STARD13: variants seen among roughly 807,000 people sequenced by gnomAD.
STARD13 encodes the protein StAR related lipid transfer domain containing 13, also known as stAR-related lipid transfer protein 13.
STARD13 carries 62 observed loss-of-function variants against 106.4 expected under a neutral mutation model. That is an observed-to-expected ratio of 0.58 (90% CI 0.48 to 0.72). The LOEUF (loss-of-function observed/expected upper bound fraction) is 0.72. STARD13 is among the 30% of genes least tolerant of loss of function. STARD13 has a pLI of 0.00. For missense variants in STARD13, 1,387 were observed against 1,424.0 expected (o/e 0.97, Z 0.42); for synonymous variants, 565 against 553.0 (o/e 1.02, Z -0.31).
Position 33,169,059 on chromosome 13 carries a change from T to TGTGACCAGCATGTGACCTTAA in STARD13, c.170-1438_170-1437insTTAAGGTCACATGCTGGTCAC, listed in dbSNP as rs1456386612. Among the ~76,000 whole-genome samples, 14 of 152,350 alleles carry TGTGACCAGCATGTGACCTTAA rather than the reference T, an allele frequency of 9.2e-5. 1 individual carries two copies. Among genetic ancestry groups the TGTGACCAGCATGTGACCTTAA allele is most frequent in the African/African-American group, 2.6e-4 (11 of 41,576 alleles). ...AAAAGCTTGAGATTTGTCTCTTGTGTGAGGGTTTTCCACTTAAGTGTGACC... is the reference window on the plus strand; with the variant it reads ...AAAAGCTTGAGATTTGTCTCTTGTGTGTGACCAGCATGTGACCTTAAGAGGGTTTTCCACTTAAGTGTGACC... On this transcript the variant is annotated intron_variant, in intron 1 of 13. Coordinates refer to ENST00000336934, the MANE Select transcript of STARD13 (RefSeq NM_178006.4).
chr13:33,255,955 G>A (rs1245480732), intron 1 of STARD13, among the ~76,000 whole-genome samples: 1 of 152,206 alleles, frequency 6.6e-6, no homozygotes, highest in Admixed American at 6.5e-5. Context: ...GCACATGTAT[G>A]CAGGTCAATT....
chr13:33,142,310 CT>C lies in STARD13; in HGVS notation c.386del (p.Lys129ArgfsTer49). ...TTCTTATTAAGGTGTGGGCACCTAC[CT>C]TTTTCCTTTGGAAGTTCACATCAAG... ...MKLDVNFQRK[K>X]GDDSDEEDLC... On this transcript the variant is annotated frameshift_variant and splice_region_variant, in exon 4 of 14. Transcript: ENST00000336934. LOFTEE classifies it high-confidence loss of function. The C allele has an allele frequency of 6.2e-7, 1 of 1,613,704 alleles. No individual in the cohort carries two copies.
chr13:33,646,605 T>A, the STARD13 span, among the ~76,000 whole-genome samples: 1 of 152,120 alleles, frequency 6.6e-6, no homozygotes, highest in Admixed American at 6.5e-5. Context: ...CACATAGAAT[T>A]TTGCTTTGCC....
At chr13:33,635,380 C>A in the STARD13 span, among the ~76,000 whole-genome samples, 1 of 152,200 alleles carries the variant, frequency 6.6e-6, no homozygotes, top group Non-Finnish European at 1.5e-5. Context: ...ACTTAGCAGG[C>A]CGGTTGTGGT....
At chr13:33,239,548 G>A (rs1889363654) in intron 1 of STARD13, among the ~76,000 whole-genome samples, 1 of 151,920 alleles carries the variant, frequency 6.6e-6, no homozygotes, top group Non-Finnish European at 1.5e-5. Flanking sequence ...TTCTTGTTTT[G>A]TTGTTTGTTT....
the STARD13 span, among the ~76,000 whole-genome samples, chr13:33,532,834 G>A: frequency 6.6e-6 from 1 of 152,112 alleles, no homozygotes; most frequent in Non-Finnish European, 1.5e-5. Flanking sequence ...GGTAGCAGTG[G>A]TCTTGTAAGA....
the STARD13 span, among the ~76,000 whole-genome samples, chr13:33,515,405 C>T: frequency 6.6e-6 from 1 of 152,128 alleles, no homozygotes; most frequent in Non-Finnish European, 1.5e-5. Context: ...GCAATTGTCT[C>T]AGCAAAACCT....
chr13:33,265,982 T>C (rs1890878650), intron 1 of STARD13, among the ~76,000 whole-genome samples: 1 of 152,236 alleles, frequency 6.6e-6, no homozygotes, highest in African/African-American at 2.4e-5. Flanking sequence ...CGAAAAGTTA[T>C]GGAGCTATCT....
At chr13:33,374,586 A>G in the STARD13 span, among the ~76,000 whole-genome samples, 1 of 152,184 alleles carries the variant, frequency 6.6e-6, no homozygotes, top group African/African-American at 2.4e-5. Flanking sequence ...ATTAAATACT[A>G]TGGTGTTCAG....
chr13:33,496,487 CA>C, the STARD13 span, among the ~76,000 whole-genome samples: 31 of 151,816 alleles, frequency 2.0e-4, no homozygotes, highest in Non-Finnish European at 3.8e-4. Flanking sequence ...TTTTAATATA[CA>C]GTTCTCTCCC....
intron 1 of STARD13, among the ~76,000 whole-genome samples, chr13:33,349,415 C>T (rs1004650136): frequency 6.6e-6 from 1 of 152,206 alleles, no homozygotes; most frequent in Non-Finnish European, 1.5e-5. Flanking sequence ...AGGCATGAGG[C>T]AGTGACTAAA....
chr13:33,117,281 G>A (rs953526387), intron 8 of STARD13, among the ~76,000 whole-genome samples: 2 of 152,052 alleles, frequency 1.3e-5, no homozygotes, highest in East Asian at 1.9e-4. Context: ...GCTAATTTTT[G>A]TATCTTTTAG....
chr13:33,443,623 C>A, the STARD13 span, among the ~76,000 whole-genome samples: 1 of 152,034 alleles, frequency 6.6e-6, no homozygotes, highest in African/African-American at 2.4e-5. Context: ...TGGTGGCTCA[C>A]GCCTGTAATC....
At chr13:33,448,111 C>T in the STARD13 span, among the ~76,000 whole-genome samples, 23 of 152,068 alleles carry the variant, frequency 1.5e-4, no homozygotes, top group African/African-American at 3.1e-4. Context: ...TGTGATGTTT[C>T]GATATGTGTT....
At chr13:33,345,941 G>C (rs979007518), downstream of STARD13, among the ~76,000 whole-genome samples, 2 of 152,142 alleles carry the variant, frequency 1.3e-5, no homozygotes, top group African/African-American at 2.4e-5. Flanking sequence ...AAATGCTTTT[G>C]TACCTGTGGT....
intron 1 of STARD13, among the ~76,000 whole-genome samples, chr13:33,253,340 T>C (rs1890180592): frequency 1.3e-5 from 2 of 152,222 alleles, no homozygotes; most frequent in Admixed American, 6.5e-5. Context: ...GAATAGGTGT[T>C]AACACACAGA....
the STARD13 span, among the ~76,000 whole-genome samples, chr13:33,577,401 G>C: frequency 1.3e-5 from 2 of 152,044 alleles, no homozygotes. Context: ...AGTCTTATCT[G>C]GTATTAAAAA....
the STARD13 span, among the ~76,000 whole-genome samples, chr13:33,447,761 A>C: frequency 1.3e-5 from 2 of 152,218 alleles, no homozygotes; most frequent in Non-Finnish European, 2.9e-5. Flanking sequence ...CAATAGATTA[A>C]TCTGTGAGAA....
chr13:33,486,742 A>G, the STARD13 span, among the ~76,000 whole-genome samples: 2 of 152,124 alleles, frequency 1.3e-5, no homozygotes, highest in African/African-American at 4.8e-5. Context: ...CTTCCAAAAC[A>G]CAAGCTCTTG....
Sources: gnomAD v4.1 joint callset for allele counts (sites outside exome capture counted in the v4.1 genomes callset) on GRCh38, gnomAD v4.1.1 for gene constraint, MANE v1.5 for transcripts, NCBI Gene and HGNC (gene_info 2026-07-23, HGNC 2026-07-21) for gene names.